ETF1: variants seen among roughly 807,000 people sequenced by gnomAD.
ETF1 encodes eukaryotic peptide chain release factor subunit 1.
Under a neutral mutation model 55.1 loss-of-function variants are expected in ETF1, and 4 were observed. The ratio of observed to expected loss-of-function variants is 0.07; its 90% confidence interval spans 0.04 to 0.17. The LOEUF (loss-of-function observed/expected upper bound fraction) is 0.17. ETF1 is among the 10% of genes least tolerant of loss of function. The pLI is 1.00. For missense variants in ETF1, 142 were observed against 523.6 expected, an observed-to-expected ratio of 0.27 and a Z score of 7.11; for synonymous variants, 157 against 182.3, an observed-to-expected ratio of 0.86 and a Z score of 1.12.
intron 5 of ETF1, 176 bp downstream of exon 5, chr5:138,513,392 G>T (rs979546961): frequency 1.3e-5 from 4 of 301,850 alleles, no homozygotes; most frequent in Non-Finnish European, 2.0e-5. Flanking sequence ...TCACATTTTT[G>T]TATTTTTAGT....
intron 5 of ETF1, 95 bp downstream of exon 5, chr5:138,513,473 G>A: frequency 4.6e-6 from 5 of 1,096,970 alleles, no homozygotes; most frequent in Non-Finnish European, 6.7e-6. Flanking sequence ...CAAAGTGCTG[G>A]GATTACAGGC....
intron 7 of ETF1, 127 bp downstream of exon 7, chr5:138,511,348 T>C (rs1764766980): frequency 1.3e-6 from 2 of 1,504,338 alleles, no homozygotes; most frequent in Non-Finnish European, 1.8e-6. Context: ...TATTCCTTTT[T>C]ACATTTTTGG....
chr5:138,517,485 G>A (rs1765070242), intron 4 of ETF1, 76 bp downstream of exon 4: 1 of 776,114 alleles, frequency 1.3e-6, no homozygotes, highest in Non-Finnish European at 2.0e-6. Context: ...AAGTGGGAGG[G>A]ATGGGGGACT....
chr5:138,522,904 G>A (rs903054930), intron 2 of ETF1, among the ~76,000 whole-genome samples: 1 of 152,128 alleles, frequency 6.6e-6, no homozygotes, highest in African/African-American at 2.4e-5. Context: ...TATTCAGGAG[G>A]CTGAGTCAGG....
intron 2 of ETF1, among the ~76,000 whole-genome samples, chr5:138,540,878 A>C (rs1425790410): frequency 1.3e-5 from 2 of 152,220 alleles, no homozygotes; most frequent in African/African-American, 4.8e-5. Context: ...TGGGTAGAAC[A>C]AATTTAAGAA....
intron 4 of ETF1, among the ~76,000 whole-genome samples, chr5:138,515,244 T>C (rs570786381): frequency 7.9e-5 from 12 of 152,222 alleles, no homozygotes; most frequent in Admixed American, 3.3e-4. Context: ...CTAGCCAACA[T>C]GGTGAAATCT....
intron 2 of ETF1, among the ~76,000 whole-genome samples, chr5:138,520,936 A>C (rs1238303498): frequency 2.7e-5 from 4 of 147,870 alleles, no homozygotes; most frequent in Non-Finnish European, 6.1e-5. Context: ...TAGCTCTTCC[A>C]AAAAAAAAAA....
At chr5:138,522,761 T>C (rs1184223975) in intron 2 of ETF1, among the ~76,000 whole-genome samples, 4 of 152,070 alleles carry the variant, frequency 2.6e-5, no homozygotes. Context: ...AATCCCAGCA[T>C]TTTGGGAGGC....
intron 2 of ETF1, among the ~76,000 whole-genome samples, chr5:138,524,652 A>T (rs1441362124): frequency 7.3e-6 from 1 of 137,428 alleles, no homozygotes; most frequent in African/African-American, 2.8e-5. Flanking sequence ...ATCTCGGCTC[A>T]CTGTAGCCTC....
intron 7 of ETF1, 80 bp downstream of exon 7, chr5:138,511,395 C>T (rs748739267): frequency 4.5e-5 from 43 of 960,542 alleles, no homozygotes; most frequent in Middle Eastern, 6.0e-4. Flanking sequence ...TACATACACA[C>T]ACACACATAC....
At chr5:138,517,402 T>A (rs1212045435) in intron 4 of ETF1, among the ~76,000 whole-genome samples, 159 bp downstream of exon 4, 2 of 148,536 alleles carry the variant, frequency 1.3e-5, no homozygotes, top group South Asian at 2.1e-4. Flanking sequence ...AATAAAAAAA[T>A]AAAAATAAAA....
chr5:138,542,993 T>TCTGCCCCA, intron 1 of ETF1, 57 bp from the exon 2 acceptor site: 1 of 1,525,842 alleles, frequency 6.6e-7, no homozygotes, highest in Non-Finnish European at 9.0e-7. Context: ...GCGCCGCCGC[T>TCTGCCCCA]GGGGCAGAGC....
chr5:138,518,606 T>A (rs1765116382), intron 3 of ETF1, 86 bp downstream of exon 3: 2 of 1,123,978 alleles, frequency 1.8e-6, no homozygotes, highest in Non-Finnish European at 2.6e-6. Context: ...TAAGGGAACA[T>A]TAGTGAACAA....
intron 2 of ETF1, among the ~76,000 whole-genome samples, chr5:138,533,967 G>C (rs1197578973): frequency 1.3e-5 from 2 of 152,092 alleles, no homozygotes; most frequent in Non-Finnish European, 2.9e-5. Context: ...TTTTATAAAA[G>C]GTTTAGTTAG....
At chr5:138,510,802 T>C (rs995987380) in intron 8 of ETF1, 173 bp from the exon 9 acceptor site, 10 of 689,250 alleles carry the variant, frequency 1.5e-5, no homozygotes, top group Non-Finnish European at 1.8e-5. Flanking sequence ...GCTTCAACCA[T>C]AAGGAACATC....
At chr5:138,525,898 ATCACGCCAC>A (rs1172305728) in intron 2 of ETF1, among the ~76,000 whole-genome samples, 2 of 150,538 alleles carry the variant, frequency 1.3e-5, no homozygotes, top group Non-Finnish European at 2.9e-5. Context: ...GTGAGCAGAG[ATCACGCCAC>A]TCACTTCAGT....
At chr5:138,528,469 C>T (rs1765567126) in intron 2 of ETF1, among the ~76,000 whole-genome samples, 1 of 152,160 alleles carries the variant, frequency 6.6e-6, no homozygotes, top group South Asian at 2.1e-4. Context: ...TGTAACATTC[C>T]AGAGGACCAA....
At chr5:138,508,868 CT>C (rs1764654834) in intron 9 of ETF1, 52 bp from the exon 10 acceptor site, 2 of 1,581,708 alleles carry the variant, frequency 1.3e-6, no homozygotes, top group Non-Finnish European at 1.7e-6. Flanking sequence ...TATATGAAGG[CT>C]AATTAGTCCC....
intron 2 of ETF1, among the ~76,000 whole-genome samples, chr5:138,519,662 C>T (rs1330027974): frequency 6.9e-6 from 1 of 144,864 alleles, no homozygotes; most frequent in Non-Finnish European, 1.5e-5. Context: ...GACTTAGTCT[C>T]GAGAAAAAAA....
Sources: allele counts gnomAD v4.1 joint callset (sites outside exome capture counted in the v4.1 genomes callset), GRCh38; gene constraint gnomAD v4.1.1; transcripts MANE v1.5; gene names NCBI Gene and HGNC (gene_info 2026-07-23, HGNC 2026-07-21).